The following ARHGAP24 variants were observed in gnomAD, a reference collection of about 807,000 sequenced individuals.
The protein encoded by ARHGAP24 is rho GTPase-activating protein 24.
ARHGAP24 carries 50 observed loss-of-function variants against 76.4 expected under a neutral mutation model. The ratio of observed to expected loss-of-function variants is 0.65; its 90% CI spans 0.52 to 0.83. The LOEUF is 0.83. Ranked by LOEUF, ARHGAP24 falls within the 40% of genes least tolerant of loss-of-function variation. ARHGAP24 has a pLI of 0.00. For missense variants in ARHGAP24, 930 were observed against 914.2 expected, an observed-to-expected ratio of 1.02 and a Z score of -0.22; for synonymous variants, 345 against 323.3, an observed-to-expected ratio of 1.07 and a Z score of -0.72.
chr4:85,948,303 G>T (rs191980679), intron 5 of ARHGAP24, among the ~76,000 whole-genome samples: 1 of 152,084 alleles, frequency 6.6e-6, no homozygotes, highest in Non-Finnish European at 1.5e-5. Flanking sequence ...ATAGAATATC[G>T]TATAATAGGA....
intron 2 of ARHGAP24, among the ~76,000 whole-genome samples, chr4:85,591,534 A>G (rs1159354453): frequency 6.6e-6 from 1 of 152,202 alleles, no homozygotes; most frequent in Non-Finnish European, 1.5e-5. Flanking sequence ...TCTAATGTCA[A>G]CATACTCTTG....
Position 86,001,384 on chromosome 4 carries a change from A to G in ARHGAP24, c.*662A>G. The G allele has an allele frequency of 2.5e-6, 1 of 399,074 alleles. No individual in the cohort carries two copies. Among genetic ancestry groups the G allele is most frequent in the Non-Finnish European group, 4.4e-6 (1 of 226,136 alleles). The allele number at this position is 399,074 out of a possible 1,614,324, so 24.7% of individuals were successfully genotyped here. A position where few individuals can be genotyped will look rare whatever the true frequency, so the allele number is the denominator to read the frequency against. ...TTTTGCTTTTGCGAGGCGATTTGAC[A>G]TAGGAACTTTGAGACTCCATGAGAA... On this transcript the variant is annotated 3_prime_UTR_variant, in exon 10 of 10. Coordinates refer to ENST00000395184, the MANE Select transcript of ARHGAP24 (RefSeq NM_001025616.3).
intron 3 of ARHGAP24, among the ~76,000 whole-genome samples, chr4:85,859,428 T>C (rs1249756651): frequency 6.6e-6 from 1 of 152,070 alleles, no homozygotes; most frequent in African/African-American, 2.4e-5. Context: ...AGATAGAAAA[T>C]GGTAACAGAG....
intron 3 of ARHGAP24, among the ~76,000 whole-genome samples, chr4:85,922,450 AAAC>A (rs1735778442): frequency 6.6e-6 from 1 of 152,224 alleles, no homozygotes; most frequent in South Asian, 2.1e-4. Flanking sequence ...ACAAACAAAC[AAAC>A]AACATCTTAA....
intron 3 of ARHGAP24, among the ~76,000 whole-genome samples, chr4:85,747,296 A>G (rs1285823683): frequency 1.3e-5 from 2 of 152,202 alleles, no homozygotes; most frequent in Non-Finnish European, 2.9e-5. Flanking sequence ...TTTGAAAAAA[A>G]TCCTTTTTTG....
At chr4:85,628,006 G>A (rs778515056) in intron 2 of ARHGAP24, among the ~76,000 whole-genome samples, 2 of 152,166 alleles carry the variant, frequency 1.3e-5, no homozygotes, top group African/African-American at 2.4e-5. Context: ...AAGGGAATTC[G>A]CTGACCCCTT....
chr4:85,538,939 G>T (rs1451990063), intron 1 of ARHGAP24, among the ~76,000 whole-genome samples: 1 of 152,120 alleles, frequency 6.6e-6, no homozygotes, highest in Non-Finnish European at 1.5e-5. Flanking sequence ...AATGACATTT[G>T]GGTCCTGATG....
chr4:85,735,527 C>G (rs561998261), intron 3 of ARHGAP24, among the ~76,000 whole-genome samples: 25 of 152,098 alleles, frequency 1.6e-4, no homozygotes, highest in African/African-American at 6.0e-4. Flanking sequence ...CTCCTTTTTT[C>G]TGGGTACACA....
At chr4:85,690,438 G>A (rs1489039977) in intron 2 of ARHGAP24, among the ~76,000 whole-genome samples, 1 of 152,014 alleles carries the variant, frequency 6.6e-6, no homozygotes, top group Non-Finnish European at 1.5e-5. Context: ...TCAGGGTCCA[G>A]GGCTTTTTGT....
chr4:85,828,470 A>G (rs1443147950), intron 3 of ARHGAP24, among the ~76,000 whole-genome samples: 1 of 151,958 alleles, frequency 6.6e-6, no homozygotes, highest in Non-Finnish European at 1.5e-5. Context: ...ATTGCTTGTC[A>G]AAATGAAAAC....
intron 1 of ARHGAP24, among the ~76,000 whole-genome samples, chr4:85,508,993 C>A (rs931240806): frequency 1.3e-5 from 2 of 152,032 alleles, no homozygotes; most frequent in Admixed American, 6.6e-5. Flanking sequence ...TCTGTTTCTG[C>A]ATAAACTATC....
At chr4:85,502,886 T>C (rs1378087748) in intron 1 of ARHGAP24, among the ~76,000 whole-genome samples, 1 of 152,210 alleles carries the variant, frequency 6.6e-6, no homozygotes, top group Non-Finnish European at 1.5e-5. Flanking sequence ...TTTTGAGATA[T>C]GTTCCATCAA....
At chr4:85,851,054 A>T (rs1307048368) in intron 3 of ARHGAP24, among the ~76,000 whole-genome samples, 1 of 152,082 alleles carries the variant, frequency 6.6e-6, no homozygotes, top group Non-Finnish European at 1.5e-5. Context: ...TGGGGTGTTA[A>T]AGTCTCCCAT....
At chr4:85,695,087 G>T (rs1723820298) in intron 2 of ARHGAP24, among the ~76,000 whole-genome samples, 1 of 152,232 alleles carries the variant, frequency 6.6e-6, no homozygotes, top group Admixed American at 6.5e-5. Context: ...TTTAGTAGAA[G>T]AATTCAAATA....
chr4:85,850,953 T>A (rs1731188615), intron 3 of ARHGAP24, among the ~76,000 whole-genome samples: 1 of 152,208 alleles, frequency 6.6e-6, no homozygotes, highest in Admixed American at 6.5e-5. Flanking sequence ...GTTCTGTAGA[T>A]GTCTATTAGG....
chr4:85,518,928 T>A (rs1724629503), intron 1 of ARHGAP24, among the ~76,000 whole-genome samples: 1 of 152,160 alleles, frequency 6.6e-6, no homozygotes, highest in Admixed American at 6.6e-5. Flanking sequence ...TTTAGTTCAT[T>A]AAGGAATTTC....
intron 3 of ARHGAP24, among the ~76,000 whole-genome samples, chr4:85,861,000 G>GCACACGCACA (rs1553935910): frequency 7.3e-6 from 1 of 137,446 alleles, no homozygotes; most frequent in Non-Finnish European, 1.5e-5. Flanking sequence ...GTGCATGCAC[G>GCACACGCACA]CACACACACA....
intron 1 of ARHGAP24, among the ~76,000 whole-genome samples, chr4:85,494,404 C>T (rs184504749): frequency 5.1e-4 from 78 of 152,088 alleles, no homozygotes; most frequent in African/African-American, 1.8e-3. Context: ...TTATATGTAA[C>T]ATTATTATAC....
At chr4:85,826,887 TAAGTC>T (rs1560654456) in intron 3 of ARHGAP24, among the ~76,000 whole-genome samples, 3 of 152,220 alleles carry the variant, frequency 2.0e-5, no homozygotes. Flanking sequence ...AAAATTCAGT[TAAGTC>T]ATTATTTACC....
Sources: gnomAD v4.1 joint callset for allele counts (sites outside exome capture counted in the v4.1 genomes callset) on GRCh38, gnomAD v4.1.1 for gene constraint, MANE v1.5 for transcripts, NCBI Gene and HGNC (gene_info 2026-07-23, HGNC 2026-07-21) for gene names.